PPFIBP1: variants seen among roughly 807,000 people sequenced by gnomAD.
The protein encoded by PPFIBP1 is PPFIB scaffold protein 1.
A neutral mutation model predicts 137.8 loss-of-function variants in PPFIBP1; 112 were observed. The ratio of observed to expected loss-of-function variants is 0.81; its 90% CI spans 0.70 to 0.95. The LOEUF is 0.95. PPFIBP1 is among the 40% of genes least tolerant of loss of function. PPFIBP1 has a pLI of 0.00. For missense variants in PPFIBP1, 1,083 were observed against 1,196.6 expected (o/e 0.91, Z 1.40); for synonymous variants, 378 against 417.3 (o/e 0.91, Z 1.15).
intron 1 of PPFIBP1, among the ~76,000 whole-genome samples, chr12:27,571,422 G>A (rs1388069916): frequency 6.6e-6 from 1 of 152,050 alleles, no homozygotes; most frequent in Non-Finnish European, 1.5e-5. Flanking sequence ...TATCAATCTG[G>A]TCCGTGGTAA....
intron 11 of PPFIBP1, among the ~76,000 whole-genome samples, chr12:27,662,440 G>T (rs1466903204): frequency 6.6e-6 from 1 of 152,214 alleles, no homozygotes; most frequent in Non-Finnish European, 1.5e-5. Flanking sequence ...GTAGCAGAAT[G>T]GGAGAGTGAA....
At chr12:27,581,049 C>T (rs2051053781) in intron 2 of PPFIBP1, among the ~76,000 whole-genome samples, 1 of 152,086 alleles carries the variant, frequency 6.6e-6, no homozygotes, top group Non-Finnish European at 1.5e-5. Flanking sequence ...CGTGTGCCAT[C>T]ATGCCCGGCT....
chr12:27,667,770 AC>A (rs1200825739), intron 13 of PPFIBP1, among the ~76,000 whole-genome samples: 1 of 152,140 alleles, frequency 6.6e-6, no homozygotes, highest in Non-Finnish European at 1.5e-5. Flanking sequence ...CTGAAGGCTA[AC>A]TCACTCATAT....
At chr12:27,685,961 C>T (rs76082439) in intron 24 of PPFIBP1, among the ~76,000 whole-genome samples, 5 of 152,060 alleles carry the variant, frequency 3.3e-5, no homozygotes, top group African/African-American at 1.2e-4. Context: ...TAAAATCCTT[C>T]GAAGTATAAA....
In PPFIBP1 at chr12:27,656,603, T is replaced by C. The variant is rs757330944; in HGVS notation, c.697-13T>C. 5.3e-6 allele frequency: 8 copies of C among 1,503,702 alleles called. No individual in the cohort carries two copies. In the South Asian group the frequency reaches 7.9e-5, roughly 15 times the overall value. The allele number at this position is 1,503,702 out of a possible 1,614,324, so 93.1% of individuals were successfully genotyped here. ...CATGATCTGCTATTTTTAAATGAAT[T>C]TGTAACTTGTAGGATGAACTGGCAT... On this transcript the variant is annotated splice_polypyrimidine_tract_variant and intron_variant, in intron 8 of 29. Transcript: ENST00000228425.
At chr12:27,537,246 C>T (rs1945133106) in intron 1 of PPFIBP1, among the ~76,000 whole-genome samples, 1 of 152,138 alleles carries the variant, frequency 6.6e-6, no homozygotes, top group Non-Finnish European at 1.5e-5. Context: ...ATTCTCCTGC[C>T]TCAGCCTCCT....
intron 1 of PPFIBP1, among the ~76,000 whole-genome samples, chr12:27,540,677 GCTT>G (rs755987643): frequency 7.2e-5 from 11 of 152,312 alleles, no homozygotes; most frequent in Admixed American, 2.0e-4. Flanking sequence ...CTGCCCCAAA[GCTT>G]CTACTAATTT....
At chr12:27,532,995 C>T (rs1944574474) in intron 1 of PPFIBP1, among the ~76,000 whole-genome samples, 1 of 151,946 alleles carries the variant, frequency 6.6e-6, no homozygotes, top group African/African-American at 2.4e-5. Context: ...AAGAATGGCC[C>T]GTATACAAAA....
Position 27,693,803 on chromosome 12 carries a change from A to G in PPFIBP1, c.*921A>G, listed in dbSNP as rs111818593. 3,967 of 152,064 alleles carry G rather than the reference A, an allele frequency of 0.026. 95 individuals are homozygous for G. The highest frequency in any genetic ancestry group is 0.069 in the East Asian group (357 of 5,152). The allele number at this position is 152,064 out of a possible 1,614,324, so 9.4% of individuals were successfully genotyped here. A position where few individuals can be genotyped will look rare whatever the true frequency, so the allele number is the denominator to read the frequency against. ...GTCAAGCCATTCTGCTTCAGCCCCA[A>G]GTAGGTGGGACTCCAGGCATGCACC... On this transcript the variant is annotated 3_prime_UTR_variant, in exon 30 of 30. Coordinates refer to ENST00000228425, the MANE Select transcript of PPFIBP1 (RefSeq NM_003622.4).
At chr12:27,616,623 A>G (rs2055788024) in intron 2 of PPFIBP1, among the ~76,000 whole-genome samples, 3 of 152,216 alleles carry the variant, frequency 2.0e-5, no homozygotes, top group Non-Finnish European at 2.9e-5. Flanking sequence ...AAACAGAGGA[A>G]TGGAAGAGAT....
chr12:27,663,359 G>A (rs1260089249), intron 11 of PPFIBP1, among the ~76,000 whole-genome samples: 1 of 152,170 alleles, frequency 6.6e-6, no homozygotes, highest in East Asian at 1.9e-4. Context: ...AAAGCAAAGA[G>A]GGTCATGGAC....
At chr12:27,573,976 T>A in intron 1 of PPFIBP1, among the ~76,000 whole-genome samples, 1 of 106,208 alleles carries the variant, frequency 9.4e-6, no homozygotes, top group African/African-American at 3.5e-5. Flanking sequence ...AGTGAGACCC[T>A]GTCTCTTAAA....
At position 27,599,645 on chromosome 12, in the gene PPFIBP1, A is replaced by G. The variant is rs141683139; in HGVS notation, c.-36+21406A>G. On this transcript the variant is annotated intron_variant, in intron 2 of 29. Transcript: ENST00000228425. ...AGACTAATATAGCTATTTATTTTTC[A>G]TTAATTTAAATTATGAAATACTTTA... Among the ~76,000 whole-genome samples the G allele has an allele frequency of 6.7e-3, 1,009 of 151,718 alleles. 13 individuals carry two copies. The highest frequency in any genetic ancestry group is 0.023 in the African/African-American group (941 of 41,334).
At chr12:27,652,354 C>A (rs781756271) in intron 7 of PPFIBP1, among the ~76,000 whole-genome samples, 2 of 152,140 alleles carry the variant, frequency 1.3e-5, no homozygotes, top group Non-Finnish European at 2.9e-5. Context: ...AACAGTGCCC[C>A]CTTGTGGTAA....
intron 2 of PPFIBP1, among the ~76,000 whole-genome samples, chr12:27,615,586 C>T (rs1314938703): frequency 6.6e-6 from 1 of 152,124 alleles, no homozygotes; most frequent in Non-Finnish European, 1.5e-5. Context: ...TCATCTAGTT[C>T]CAACTTCACA....
chr12:27,650,273 A>G (rs1441776804), intron 7 of PPFIBP1, 132 bp downstream of exon 7: 7 of 587,178 alleles, frequency 1.2e-5, no homozygotes, highest in Non-Finnish European at 1.1e-5. Context: ...ATTACTACGT[A>G]CCATCATCCT....
chr12:27,566,819 A>G (rs182001061), intron 1 of PPFIBP1, among the ~76,000 whole-genome samples: 1 of 152,312 alleles, frequency 6.6e-6, no homozygotes, highest in Non-Finnish European at 1.5e-5. Context: ...GATTCAGCCA[A>G]ATCCCAGAGC....
intron 1 of PPFIBP1, among the ~76,000 whole-genome samples, chr12:27,553,311 G>A (rs67235404): frequency 0.17 from 26,449 of 152,112 alleles, 2,747 homozygotes; most frequent in Middle Eastern, 0.27. Context: ...CTGGGCCGGG[G>A]ATGGTGCTCA....
chr12:27,646,128 A>G lies in PPFIBP1; in HGVS notation c.337A>G (p.Lys113Glu), dbSNP rs1422485777. The change falls in exon 5 of 30, where the codon AAA becomes GAA. Residue 113 changes from lysine (K) to glutamate (E), a missense_variant. By Grantham distance (56) the Lys-to-Glu change is moderately conservative. Coordinates refer to ENST00000228425, the MANE Select transcript of PPFIBP1 (RefSeq NM_003622.4). ...AAGGCTGGCACGTTTAGAAAATGAT[A>G]AAGAATCCCTCGTTCTTCAGGCAAG... ...QERLARLEND[K>E]ESLVLQVSVL... The G allele has an allele frequency of 5.0e-6, 8 of 1,609,270 alleles. No individual in the cohort carries two copies. The highest frequency in any genetic ancestry group is 6.8e-6 in the Non-Finnish European group (8 of 1,175,890).
Sources: allele counts gnomAD v4.1 joint callset (sites outside exome capture counted in the v4.1 genomes callset), GRCh38; gene constraint gnomAD v4.1.1; transcripts MANE v1.5; gene names NCBI Gene and HGNC (gene_info 2026-07-23, HGNC 2026-07-21).